PTBP3: variants seen among roughly 807,000 people sequenced by gnomAD.
The protein encoded by PTBP3 is polypyrimidine tract binding protein 3, also known as polypyrimidine tract-binding protein 3.
PTBP3 carries 20 observed loss-of-function variants against 58.7 expected under a neutral mutation model. The ratio of observed to expected loss-of-function variants is 0.34; its 90% CI spans 0.24 to 0.50. The LOEUF (loss-of-function observed/expected upper bound fraction) is 0.50. Among genes scored for constraint, PTBP3 ranks in the 20% least tolerant of loss-of-function variants. The pLI is 0.98. For synonymous variants in PTBP3, 185 were observed against 219.8 expected (o/e 0.84, Z 1.40); for missense variants, 509 against 637.2 (o/e 0.80, Z 2.17).
intron 1 of PTBP3, among the ~76,000 whole-genome samples, chr9:112,330,168 A>G (rs1381909838): frequency 6.6e-6 from 1 of 152,178 alleles, no homozygotes; most frequent in Non-Finnish European, 1.5e-5. Context: ...CCTAGGCTAC[A>G]TTTAACTGCT....
intron 10 of PTBP3, among the ~76,000 whole-genome samples, chr9:112,230,641 T>C (rs1237623317): frequency 1.3e-5 from 2 of 152,218 alleles, no homozygotes; most frequent in Non-Finnish European, 2.9e-5. Flanking sequence ...AGTGAAATAA[T>C]CTACCCTTGG....
chr9:112,276,967 C>T (rs911769289), intron 2 of PTBP3, among the ~76,000 whole-genome samples: 3 of 152,118 alleles, frequency 2.0e-5, no homozygotes, highest in Non-Finnish European at 4.4e-5. Context: ...TGCCACTACT[C>T]GGAGAAAAAC....
intron 1 of PTBP3, among the ~76,000 whole-genome samples, chr9:112,308,202 T>C (rs938011313): frequency 5.3e-5 from 8 of 152,114 alleles, no homozygotes; most frequent in African/African-American, 1.9e-4. Context: ...ATTTTTTTTA[T>C]TTTTTGTAGG....
the PTBP3 span, among the ~76,000 whole-genome samples, chr9:112,357,541 G>A: frequency 1.1e-4 from 16 of 151,946 alleles, no homozygotes; most frequent in Admixed American, 2.0e-4. Context: ...TAGAGACAGG[G>A]TTTTATCATG....
the PTBP3 span, among the ~76,000 whole-genome samples, chr9:112,346,223 A>T: frequency 6.6e-6 from 1 of 151,834 alleles, no homozygotes; most frequent in African/African-American, 2.4e-5. Flanking sequence ...GCCGGAGTGC[A>T]GTGGCGTGAT....
chr9:112,303,941 C>A (rs1362904075), intron 1 of PTBP3, among the ~76,000 whole-genome samples: 1 of 151,964 alleles, frequency 6.6e-6, no homozygotes, highest in African/African-American at 2.4e-5. Context: ...CCAAGGCAGG[C>A]GGATCACTTG....
intron 11 of PTBP3, 26 bp downstream of exon 11, chr9:112,228,354 T>G (rs749210714): frequency 6.7e-7 from 1 of 1,491,336 alleles, no homozygotes; most frequent in South Asian, 1.3e-5. Flanking sequence ...TTCACATTAT[T>G]ATTAATAATT....
Position 112,240,239 on chromosome 9 carries a change from T to C in PTBP3, c.803-5342A>G, listed in dbSNP as rs1835602023. On this transcript the variant is annotated intron_variant, in intron 7 of 13. Transcript: ENST00000374257. ...GAGTAAAATGATTTGACTTAATTTATTTTCTAACTTATATAGAATACAATG... is the reference window on the plus strand; with the variant it reads ...GAGTAAAATGATTTGACTTAATTTACTTTCTAACTTATATAGAATACAATG... 3.9e-5 allele frequency among the ~76,000 whole-genome samples: 6 copies of C among 152,242 alleles called. No homozygotes were observed. In the South Asian group the frequency reaches 1.0e-3, roughly 26 times the overall value.
At chr9:112,281,482 A>G (rs1243641313) in intron 2 of PTBP3, 1 of 152,184 alleles carries the variant, frequency 6.6e-6, no homozygotes, top group African/African-American at 2.4e-5. Context: ...TTAATTTAAT[A>G]TCTTGCTAAA....
chr9:112,259,410 G>A (rs1342149833), intron 5 of PTBP3, among the ~76,000 whole-genome samples: 2 of 152,120 alleles, frequency 1.3e-5, no homozygotes, highest in African/African-American at 4.8e-5. Flanking sequence ...CTCTCGCATA[G>A]GGCTTTCTTA....
intron 1 of PTBP3, among the ~76,000 whole-genome samples, chr9:112,312,493 TTTTTTTTAA>T: frequency 6.8e-6 from 1 of 146,760 alleles, no homozygotes; most frequent in Non-Finnish European, 1.5e-5. Flanking sequence ...TTTTTGTTTT[TTTTTTTTAA>T]AAAAAAAAAA....
chr9:112,316,016 C>T (rs4133207), intron 1 of PTBP3, among the ~76,000 whole-genome samples: 127,943 of 152,248 alleles, frequency 0.84, 54,057 homozygotes, highest in African/African-American at 0.92. Flanking sequence ...AAAAGATCTC[C>T]AGTCACAACA....
chr9:112,262,485 T>G lies in PTBP3; in HGVS notation c.466A>C (p.Ile156Leu). The part of the protein sequence containing the change: ...VLPGQSPVLR[I>L]IIENLFYPVT... ...GGGTAAAAGAGGTTTTCAATAATTA[T>G]TCGAAGCACAGGGCTCTGCCCAGGT... is the stretch of plus-strand genomic sequence containing the variant. The change falls in exon 5 of 14, where the codon ATA becomes CTA. Residue 156 changes from isoleucine to leucine, a missense_variant. Ile to Leu is a conservative substitution (Grantham distance 5). Coordinates refer to ENST00000374257, the MANE Select transcript of PTBP3 (RefSeq NM_001163788.4). 1 of 1,610,462 alleles carries G rather than the reference T, an allele frequency of 6.2e-7. No individual in the cohort carries two copies. Among genetic ancestry groups the G allele is most frequent in the Non-Finnish European group, 8.5e-7 (1 of 1,178,796 alleles).
At chr9:112,281,389 TA>T (rs1827859115) in intron 2 of PTBP3, 1 of 152,256 alleles carries the variant, frequency 6.6e-6, no homozygotes, top group Non-Finnish European at 1.5e-5. Flanking sequence ...AGAAATTTAC[TA>T]AATGCTTGTC....
rs570492610 is a variant in PTBP3, at chr9:112,304,792, C to G, written c.-51-6876G>C. 1.2e-4 allele frequency among the ~76,000 whole-genome samples: 18 copies of G among 152,156 alleles called. No individual in the cohort carries two copies. The East Asian group carries it at 3.5e-3, about 29-fold the overall frequency. ...ATTATACTTTACTCTACTGATTGAT[C>G]GCTTATTTTTTATTTTTTTGTAGAC... On this transcript the variant is annotated intron_variant, in intron 1 of 13. Coordinates refer to ENST00000374257, the MANE Select transcript of PTBP3 (RefSeq NM_001163788.4).
chr9:112,351,909 C>A, the PTBP3 span, among the ~76,000 whole-genome samples: 2 of 151,698 alleles, frequency 1.3e-5, no homozygotes, highest in Non-Finnish European at 2.9e-5. Flanking sequence ...ACATTTACTA[C>A]CTCAGTCCTA....
At chr9:112,354,218 T>C in the PTBP3 span, among the ~76,000 whole-genome samples, 1 of 152,152 alleles carries the variant, frequency 6.6e-6, no homozygotes, top group East Asian at 1.9e-4. Flanking sequence ...GTGGAAATAA[T>C]AGCCCTGTGC....
chr9:112,316,286 G>C (rs1002731437), intron 1 of PTBP3, among the ~76,000 whole-genome samples: 2 of 152,084 alleles, frequency 1.3e-5, no homozygotes, highest in Non-Finnish European at 1.5e-5. Context: ...CAAAAATGAC[G>C]GAATGCCACT....
chr9:112,334,368 C>G (rs927836261), upstream of PTBP3, among the ~76,000 whole-genome samples: 1 of 152,082 alleles, frequency 6.6e-6, no homozygotes, highest in Non-Finnish European at 1.5e-5. Flanking sequence ...TCATTATTCC[C>G]TTTTTTCAGA....
Sources: allele counts gnomAD v4.1 joint callset (sites outside exome capture counted in the v4.1 genomes callset), GRCh38; gene constraint gnomAD v4.1.1; transcripts MANE v1.5; gene names NCBI Gene and HGNC (gene_info 2026-07-23, HGNC 2026-07-21).